Variants in C2CD2 observed in about 807,000 individuals in gnomAD.
C2CD2 encodes the protein C2 calcium dependent domain containing 2, also known as C2 domain-containing protein 2.
In C2CD2, 43 loss-of-function variants were observed where a neutral mutation model predicts 74.3. That is an observed-to-expected ratio of 0.58 (90% CI 0.45 to 0.75). The LOEUF (loss-of-function observed/expected upper bound fraction) is 0.75. Ranked by LOEUF, C2CD2 falls within the 30% of genes least tolerant of loss-of-function variation. The pLI, the probability that C2CD2 is intolerant of heterozygous loss-of-function variation, is 0.00. For missense variants in C2CD2, 801 were observed against 916.3 expected (o/e 0.87, Z 1.63); for synonymous variants, 422 against 390.7 (o/e 1.08, Z -0.94).
chr21:41,914,908 A>C (rs1208331698), intron 5 of C2CD2, among the ~76,000 whole-genome samples, 187 bp from the exon 6 acceptor site: 1 of 152,136 alleles, frequency 6.6e-6, no homozygotes, highest in Non-Finnish European at 1.5e-5. Context: ...GGAGGGAGCC[A>C]ATGAGCCATC....
chr21:41,953,772 G>T lies in C2CD2; in HGVS notation c.-124C>A. The T allele has an allele frequency of 1.1e-6, 1 of 936,636 alleles. No homozygotes were observed. The highest frequency in any genetic ancestry group is 1.4e-6 in the Non-Finnish European group (1 of 726,546). 58.0% of individuals were successfully genotyped at this position (936,636 alleles called of 1,614,324 possible). A position where few individuals can be genotyped will look rare whatever the true frequency, so the allele number is the denominator to read the frequency against. On this transcript the variant is annotated 5_prime_UTR_variant, in exon 1 of 14. Coordinates refer to ENST00000380486, the MANE Select transcript of C2CD2 (RefSeq NM_015500.2). Reference sequence around the variant, plus strand: ...GGCGTGGAGGGGGCGCGGCGGGGTCGGAGCCCGGCGAGGAGCGTGGCCGGG... The same window carrying T: ...GGCGTGGAGGGGGCGCGGCGGGGTCTGAGCCCGGCGAGGAGCGTGGCCGGG...
At chr21:41,927,519 G>A (rs2065224231) in intron 2 of C2CD2, among the ~76,000 whole-genome samples, 1 of 152,128 alleles carries the variant, frequency 6.6e-6, no homozygotes, top group Non-Finnish European at 1.5e-5. Context: ...TGCCCAGGCT[G>A]GAGTGTGGTG....
Position 41,948,870 on chromosome 21 carries a change from C to CTT in C2CD2, c.279+4498_279+4499dup, listed in dbSNP as rs967927171. 2.4e-3 allele frequency among the ~76,000 whole-genome samples: 192 copies of CTT among 80,700 alleles called. 13 individuals carry two copies. The highest frequency in any genetic ancestry group is 6.2e-3 in the East Asian group (19 of 3,068). 52.9% of individuals were successfully genotyped at this position (80,700 alleles called of 152,430 possible). The stretch of plus-strand genomic sequence containing the variant: ...AATATGTTCCAAGTCCACACAGCAT[C>CTT]TTTTTTTTTTTTTTTTTTTTTTCTT... On this transcript the variant is annotated intron_variant, in intron 1 of 13. Coordinates refer to ENST00000380486, the MANE Select transcript of C2CD2 (RefSeq NM_015500.2).
intron 3 of C2CD2, 192 bp from the exon 4 acceptor site, chr21:41,919,152 G>GT: frequency 1.7e-6 from 1 of 601,548 alleles, no homozygotes; most frequent in South Asian, 1.9e-5. Context: ...GTGCTCATGT[G>GT]TGCATGTATG....
In C2CD2 at chr21:41,907,719, A is replaced by C; in HGVS notation, c.1084T>G (p.Phe362Val). The C allele has an allele frequency of 6.2e-7, 1 of 1,613,400 alleles. No homozygotes were observed. The highest frequency in any genetic ancestry group is 1.1e-5 in the South Asian group (1 of 91,048). The change falls in exon 9 of 14, where the codon TTC becomes GTC. Residue 362 changes from phenylalanine (F) to valine (V), a missense_variant. Transcript: ENST00000380486. Reference sequence around the variant, plus strand: ...CAGGCAGACCCGCTGGTCAGCGTGAAGCTCTGTGGCCCAGAAGGCTGCTTC... The same window carrying C: ...CAGGCAGACCCGCTGGTCAGCGTGACGCTCTGTGGCCCAGAAGGCTGCTTC... ...FKKQPSGPQS[F>V]TLTSGSACGS...
At position 41,926,368 on chromosome 21, in the gene C2CD2, G is replaced by A; in HGVS notation, c.379-4283C>T. 1 of 935,770 alleles carries A rather than the reference G, an allele frequency of 1.1e-6. No homozygotes were observed. The highest frequency in any genetic ancestry group is 1.3e-6 in the Non-Finnish European group (1 of 784,592). 58.0% of individuals were successfully genotyped at this position (935,770 alleles called of 1,614,324 possible). A position where few individuals can be genotyped will look rare whatever the true frequency, so the allele number is the denominator to read the frequency against. On this transcript the variant is annotated intron_variant, in intron 2 of 13. Transcript: ENST00000380486. The surrounding 1 kb of genome is among the most constrained non-coding windows in gnomAD (Gnocchi z 8.0). ...GTGGGGGGCTATTCACGGTAAGTCA[G>A]GGTCTCCACATGGAAAGGCCAAGGG...
chr21:41,904,091 T>C (rs958472596), intron 11 of C2CD2, among the ~76,000 whole-genome samples: 1 of 152,122 alleles, frequency 6.6e-6, no homozygotes, highest in African/African-American at 2.4e-5. Flanking sequence ...ACAAGGACCC[T>C]GCTGATAAAA....
intron 1 of C2CD2, among the ~76,000 whole-genome samples, chr21:41,942,736 G>C (rs1238031737): frequency 1.3e-5 from 2 of 152,072 alleles, no homozygotes; most frequent in Non-Finnish European, 2.9e-5. Flanking sequence ...TGGTTGCTGT[G>C]GTACGATTAC....
rs1371560844 is a variant in C2CD2, at chr21:41,923,455, T to TA, written c.379-1371dup. 2.6e-5 allele frequency among the ~76,000 whole-genome samples: 4 copies of TA among 152,250 alleles called. No individual in the cohort carries two copies. Among genetic ancestry groups the TA allele is most frequent in the Non-Finnish European group, 5.9e-5 (4 of 68,006 alleles). ...GAAAGTAAGTTATAGATGTTAGAAG[T>TA]AAAAAAAGTTTTCTTAAATTACCCA... On this transcript the variant is annotated intron_variant, in intron 2 of 13. Transcript: ENST00000380486. This position sits in a 1 kb window ranked among gnomAD's most constrained non-coding sequence, Gnocchi z 5.8.
chr21:41,889,415 A>G (rs1324304714), intron 13 of C2CD2, 71 bp from the exon 14 acceptor site: 7 of 1,072,588 alleles, frequency 6.5e-6, no homozygotes, highest in Non-Finnish European at 1.0e-5. Context: ...GTCCAATCGG[A>G]CAAAGGGAAA....
intron 1 of C2CD2, among the ~76,000 whole-genome samples, chr21:41,948,411 CATCTTGGCTGAAGGGGAGG>C (rs1329005438): frequency 6.6e-6 from 1 of 152,154 alleles, no homozygotes; most frequent in African/African-American, 2.4e-5. Context: ...GGGCGGGGAG[CATCTTGGCTGAAGGGGAGG>C]ATCAGGGACC....
intron 2 of C2CD2, among the ~76,000 whole-genome samples, chr21:41,922,940 C>G (rs956967108): frequency 2.0e-5 from 3 of 151,864 alleles, no homozygotes; most frequent in Non-Finnish European, 4.4e-5. Flanking sequence ...TTCTTAGCAG[C>G]TAAAGTCTTG....
intron 1 of C2CD2, among the ~76,000 whole-genome samples, chr21:41,950,675 C>T (rs931079899): frequency 2.0e-5 from 3 of 152,226 alleles, no homozygotes; most frequent in Admixed American, 6.5e-5. Context: ...GCCACCAATG[C>T]GCAGACCTTG....
intron 7 of C2CD2, chr21:41,912,075 G>A (rs73363170): frequency 0.01 from 3,727 of 361,844 alleles, 135 homozygotes; most frequent in African/African-American, 0.072. Context: ...GATGATATGT[G>A]TGTCTGTAAG....
At chr21:41,890,819 C>A (rs532425632) in intron 13 of C2CD2, among the ~76,000 whole-genome samples, 4 of 152,292 alleles carry the variant, frequency 2.6e-5, no homozygotes, top group Non-Finnish European at 5.9e-5. Context: ...CTGACCTAGA[C>A]CTGCCTATGA....
At position 41,910,120 on chromosome 21, in the gene C2CD2, C is replaced by G. The variant is rs549654857; in HGVS notation, c.954-597G>C. ...ACGTGCTGGGATTACAGGTGTGAGC[C>G]GCCGCGCCCAGCCTGTAACCTATTC... is the stretch of plus-strand genomic sequence containing the variant. On this transcript the variant is annotated intron_variant, in intron 7 of 13. Transcript: ENST00000380486. Among the ~76,000 whole-genome samples the G allele has an allele frequency of 2.0e-5, 3 of 152,074 alleles. No individual in the cohort carries two copies. The South Asian group carries it at 6.3e-4, about 32-fold the overall frequency.
intron 13 of C2CD2, among the ~76,000 whole-genome samples, chr21:41,893,942 G>A (rs547987580): frequency 2.6e-5 from 4 of 152,172 alleles, no homozygotes; most frequent in African/African-American, 7.2e-5. Context: ...CTCGTGATCC[G>A]CCCACCTCGG....
At chr21:41,944,250 C>T (rs1356485617) in intron 1 of C2CD2, among the ~76,000 whole-genome samples, 2 of 152,156 alleles carry the variant, frequency 1.3e-5, no homozygotes, top group East Asian at 1.9e-4. Flanking sequence ...CCACGGCTCA[C>T]GCCTGTAACC....
In C2CD2 at chr21:41,912,349, C is replaced by T. The variant is rs1343615354; in HGVS notation, c.936G>A (p.Trp312Ter). The T allele has an allele frequency of 6.2e-7, 1 of 1,610,896 alleles. No homozygotes were observed. Among genetic ancestry groups the T allele is most frequent in the Non-Finnish European group, 8.5e-7 (1 of 1,178,728 alleles). ...AGACTCACAAGGTGAATTCCTCTTCCCACATGAGGTCCGGAGTGTTTTTCG... is the reference window on the plus strand; with the variant it reads ...AGACTCACAAGGTGAATTCCTCTTCTCACATGAGGTCCGGAGTGTTTTTCG... ...TLTKNTPDLM[W>*]EEEFTFELNA... The change falls in exon 7 of 14, where the codon TGG becomes TGA. Residue 312 changes from tryptophan (W) to a stop codon, truncating the protein, a stop_gained. Coordinates refer to ENST00000380486, the MANE Select transcript of C2CD2 (RefSeq NM_015500.2). LOFTEE classifies it high-confidence loss of function.
Sources: allele counts gnomAD v4.1 joint callset (sites outside exome capture counted in the v4.1 genomes callset), GRCh38; gene constraint gnomAD v4.1.1; non-coding constraint Gnocchi (gnomAD v3.1); transcripts MANE v1.5; gene names NCBI Gene and HGNC (gene_info 2026-07-23, HGNC 2026-07-21).